GALNTL6: variants seen among roughly 807,000 people sequenced by gnomAD.
The protein encoded by GALNTL6 is polypeptide N-acetylgalactosaminyltransferase like 6.
A neutral mutation model predicts 73.7 loss-of-function variants in GALNTL6; 46 were observed. The ratio of observed to expected loss-of-function variants is 0.62; its 90% CI spans 0.49 to 0.80. The LOEUF is 0.80. Among genes scored for constraint, GALNTL6 ranks in the 30% least tolerant of loss-of-function variants. The pLI is 0.00. For synonymous variants in GALNTL6, 259 were observed against 263.7 expected (o/e 0.98, Z 0.17); for missense variants, 604 against 755.0 (o/e 0.80, Z 2.34).
At chr4:172,846,400 A>G (rs1338213644) in intron 7 of GALNTL6, among the ~76,000 whole-genome samples, 1 of 152,196 alleles carries the variant, frequency 6.6e-6, no homozygotes, top group African/African-American at 2.4e-5. Context: ...TGGCATCAGG[A>G]ACATAATCAT....
chr4:172,768,623 G>C (rs1301672883), intron 5 of GALNTL6, among the ~76,000 whole-genome samples: 1 of 152,148 alleles, frequency 6.6e-6, no homozygotes, highest in Non-Finnish European at 1.5e-5. Context: ...CCTGGAAAAG[G>C]GTGATTTCTT....
At chr4:173,014,923 C>A (rs1251164643) in intron 11 of GALNTL6, among the ~76,000 whole-genome samples, 2 of 152,174 alleles carry the variant, frequency 1.3e-5, no homozygotes, top group African/African-American at 2.4e-5. Context: ...TTGTAGTTCG[C>A]ATAATCCCCA....
At chr4:171,880,067 C>T (rs563206972) in intron 2 of GALNTL6, among the ~76,000 whole-genome samples, 1 of 152,180 alleles carries the variant, frequency 6.6e-6, no homozygotes, top group African/African-American at 2.4e-5. Context: ...CCAAAACCAC[C>T]CTCAAATTGT....
chr4:171,977,367 C>T (rs7658535), intron 2 of GALNTL6, among the ~76,000 whole-genome samples: 8,508 of 152,122 alleles, frequency 0.056, 625 homozygotes, highest in African/African-American at 0.17. Flanking sequence ...TAATAAAGTA[C>T]CACAGACTGG....
intron 2 of GALNTL6, among the ~76,000 whole-genome samples, chr4:172,053,986 A>C (rs2110864642): frequency 6.6e-6 from 1 of 152,230 alleles, no homozygotes; most frequent in South Asian, 2.1e-4. Context: ...AAAATCCAAA[A>C]TTAATAAGAA....
At chr4:172,207,692 A>G (rs1365207590) in intron 2 of GALNTL6, among the ~76,000 whole-genome samples, 1 of 152,130 alleles carries the variant, frequency 6.6e-6, no homozygotes, top group African/African-American at 2.4e-5. Flanking sequence ...GTTACTAGCT[A>G]TGTGACCTTC....
rs543748778 is a variant in GALNTL6, at chr4:172,901,013, TTATC to T, written c.1041+18108_1041+18111del. On this transcript the variant is annotated intron_variant, in intron 8 of 12. Coordinates refer to ENST00000506823, the MANE Select transcript of GALNTL6 (RefSeq NM_001034845.3). ...TATTGCCTCATTTCCTATTTTTCAG[TTATC>T]TGTCATTCTGAACGATATAATTGGA... is the stretch of plus-strand genomic sequence containing the variant. 2.1e-3 allele frequency among the ~76,000 whole-genome samples: 325 copies of T among 152,344 alleles called. 3 individuals carry two copies. The highest frequency in any genetic ancestry group is 7.1e-3 in the African/African-American group (296 of 41,594).
intron 5 of GALNTL6, among the ~76,000 whole-genome samples, chr4:172,461,550 T>C (rs1431519311): frequency 1.3e-5 from 2 of 152,156 alleles, no homozygotes; most frequent in East Asian, 1.9e-4. Context: ...GCCACTTTTA[T>C]TGCAGGGGAA....
intron 5 of GALNTL6, among the ~76,000 whole-genome samples, chr4:172,541,697 C>T: frequency 6.6e-6 from 1 of 152,162 alleles, no homozygotes; most frequent in East Asian, 1.9e-4. Flanking sequence ...GGACTGTCCG[C>T]ATGAGCGGTG....
chr4:172,119,303 A>G (rs1057231687), intron 2 of GALNTL6, among the ~76,000 whole-genome samples: 1 of 152,180 alleles, frequency 6.6e-6, no homozygotes, highest in South Asian at 2.1e-4. Flanking sequence ...GATTTATTTC[A>G]GTGCACTAAT....
At chr4:172,561,442 C>T (rs917597701) in intron 5 of GALNTL6, among the ~76,000 whole-genome samples, 3 of 152,044 alleles carry the variant, frequency 2.0e-5, no homozygotes, top group Admixed American at 2.0e-4. Context: ...GTAGAAACAC[C>T]AGTGATTAAT....
At chr4:172,198,357 A>G (rs1016800104) in intron 2 of GALNTL6, among the ~76,000 whole-genome samples, 5 of 151,922 alleles carry the variant, frequency 3.3e-5, no homozygotes, top group South Asian at 2.1e-4. Context: ...TTTGCAATCT[A>G]TTTATCTGAC....
intron 5 of GALNTL6, among the ~76,000 whole-genome samples, chr4:172,576,304 G>A (rs1736954601): frequency 6.6e-6 from 1 of 152,092 alleles, no homozygotes; most frequent in Admixed American, 6.5e-5. Flanking sequence ...TCCGCTTCTG[G>A]TTACCTTACA....
intron 5 of GALNTL6, among the ~76,000 whole-genome samples, chr4:172,719,128 T>C (rs920262126): frequency 2.0e-5 from 3 of 152,234 alleles, no homozygotes; most frequent in Admixed American, 6.5e-5. Context: ...ATTTAAGTTA[T>C]AGTTGAGCAC....
intron 5 of GALNTL6, among the ~76,000 whole-genome samples, chr4:172,609,706 G>A (rs1471564627): frequency 2.0e-5 from 3 of 146,670 alleles, no homozygotes; most frequent in Non-Finnish European, 3.0e-5. Flanking sequence ...CTGGCCTCAT[G>A]GAATAAGTTA....
At chr4:172,798,872 A>G (rs1740440778) in intron 5 of GALNTL6, among the ~76,000 whole-genome samples, 1 of 152,214 alleles carries the variant, frequency 6.6e-6, no homozygotes, top group African/African-American at 2.4e-5. Context: ...GGTTCTTTTT[A>G]TCATTTTTCT....
chr4:172,930,052 G>A (rs907319500), intron 8 of GALNTL6, among the ~76,000 whole-genome samples: 3 of 152,116 alleles, frequency 2.0e-5, no homozygotes, highest in Admixed American at 1.3e-4. Flanking sequence ...CGAGGTGGGC[G>A]GATCACCTGA....
At chr4:172,571,497 T>C (rs2110950015) in intron 5 of GALNTL6, among the ~76,000 whole-genome samples, 1 of 152,330 alleles carries the variant, frequency 6.6e-6, no homozygotes, top group South Asian at 2.1e-4. Context: ...CTAGATGTTC[T>C]GAAGACAAGT....
intron 5 of GALNTL6, among the ~76,000 whole-genome samples, chr4:172,633,896 C>T (rs1367500157): frequency 6.6e-6 from 1 of 152,168 alleles, no homozygotes; most frequent in Non-Finnish European, 1.5e-5. Context: ...AGCTCTCTTG[C>T]CTGCTGCCAT....
Sources: gnomAD v4.1 joint callset for allele counts (sites outside exome capture counted in the v4.1 genomes callset) on GRCh38, gnomAD v4.1.1 for gene constraint, MANE v1.5 for transcripts, NCBI Gene and HGNC (gene_info 2026-07-23, HGNC 2026-07-21) for gene names.